TTLL5: variants seen among roughly 807,000 people sequenced by gnomAD.
TTLL5 encodes the protein tubulin polyglutamylase TTLL5.
Under a neutral mutation model 168.4 loss-of-function variants are expected in TTLL5, and 132 were observed. That is an observed-to-expected ratio of 0.78 (90% CI 0.68 to 0.91). The LOEUF (loss-of-function observed/expected upper bound fraction) is 0.91. TTLL5 is among the 40% of genes least tolerant of loss of function. TTLL5 has a pLI of 0.00. For synonymous variants in TTLL5, 546 were observed against 558.6 expected (o/e 0.98, Z 0.32); for missense variants, 1,545 against 1,581.5 (o/e 0.98, Z 0.39).
chr14:75,826,296 T>TAC (rs57519882), intron 28 of TTLL5, among the ~76,000 whole-genome samples: 31,650 of 139,288 alleles, frequency 0.23, 3,549 homozygotes, highest in Non-Finnish European at 0.27. Context: ...AGGATACGCG[T>TAC]ACACACACAC....
intron 31 of TTLL5, chr14:75,941,540 T>C (rs1409037878): frequency 6.6e-6 from 1 of 152,252 alleles, no homozygotes; most frequent in East Asian, 1.9e-4. Context: ...AAGTTTTTAA[T>C]TTTATTTTTC....
chr14:75,822,155 G>A (rs1894869143), intron 28 of TTLL5, among the ~76,000 whole-genome samples: 3 of 152,220 alleles, frequency 2.0e-5, no homozygotes, highest in South Asian at 4.1e-4. Context: ...ACAGCCCAAT[G>A]TCCTGGTTTC....
intron 17 of TTLL5, among the ~76,000 whole-genome samples, chr14:75,751,903 G>A (rs1000287335): frequency 3.3e-5 from 5 of 152,160 alleles, no homozygotes; most frequent in African/African-American, 9.7e-5. Flanking sequence ...CCCGAGGGCC[G>A]CTGGTTGCCC....
chr14:75,932,155 G>A (rs920234526), intron 31 of TTLL5, among the ~76,000 whole-genome samples: 1 of 152,282 alleles, frequency 6.6e-6, no homozygotes, highest in African/African-American at 2.4e-5. Flanking sequence ...AACTACTTCT[G>A]TACTTCTTGT....
chr14:75,772,990 A>T (rs1891438659), intron 21 of TTLL5, among the ~76,000 whole-genome samples: 1 of 152,038 alleles, frequency 6.6e-6, no homozygotes, highest in Non-Finnish European at 1.5e-5. Flanking sequence ...AATAACAGGG[A>T]TTTGTCACCA....
chr14:75,846,580 C>G (rs964176406), intron 28 of TTLL5, among the ~76,000 whole-genome samples: 1 of 152,010 alleles, frequency 6.6e-6, no homozygotes, highest in African/African-American at 2.4e-5. Context: ...CACCTGAGAT[C>G]GGGAGTTCGA....
At chr14:75,731,575 T>C (rs1022875704) in intron 12 of TTLL5, among the ~76,000 whole-genome samples, 1 of 152,122 alleles carries the variant, frequency 6.6e-6, no homozygotes, top group African/African-American at 2.4e-5. Context: ...TTTGCAACAG[T>C]TGGGAAGGTA....
intron 20 of TTLL5, among the ~76,000 whole-genome samples, chr14:75,769,255 C>T (rs1367692910): frequency 1.3e-5 from 2 of 152,116 alleles, no homozygotes; most frequent in African/African-American, 2.4e-5. Flanking sequence ...GCTCATTGTT[C>T]GGTGAAGTGT....
chr14:75,765,439 T>G (rs554245284), intron 19 of TTLL5, among the ~76,000 whole-genome samples: 1 of 152,340 alleles, frequency 6.6e-6, no homozygotes, highest in South Asian at 2.1e-4. Context: ...TCTAATACAC[T>G]GTAGAAATTA....
chr14:75,799,762 A>T (rs1372441480), intron 27 of TTLL5, among the ~76,000 whole-genome samples: 1 of 152,120 alleles, frequency 6.6e-6, no homozygotes, highest in Non-Finnish European at 1.5e-5. Flanking sequence ...TTGGCTGATA[A>T]TTGTTTTGTT....
At chr14:75,811,621 C>G in intron 27 of TTLL5, among the ~76,000 whole-genome samples, 1 of 152,152 alleles carries the variant, frequency 6.6e-6, no homozygotes, top group African/African-American at 2.4e-5. Flanking sequence ...ACGTTTTTAT[C>G]TGCACATGCG....
intron 14 of TTLL5, among the ~76,000 whole-genome samples, chr14:75,734,488 A>G (rs1295180191): frequency 6.6e-6 from 1 of 152,108 alleles, no homozygotes; most frequent in African/African-American, 2.4e-5. Flanking sequence ...ATAAGCCAAA[A>G]CTTTGAAGTG....
intron 28 of TTLL5, among the ~76,000 whole-genome samples, chr14:75,857,720 C>G (rs1031904184): frequency 2.6e-5 from 4 of 151,330 alleles, no homozygotes; most frequent in African/African-American, 9.7e-5. Context: ...GGCACAATCT[C>G]CGCTCACTGC....
intron 28 of TTLL5, among the ~76,000 whole-genome samples, chr14:75,856,463 A>G (rs1897129545): frequency 1.3e-5 from 2 of 152,170 alleles, no homozygotes; most frequent in Non-Finnish European, 2.9e-5. Flanking sequence ...AACAATATTG[A>G]GTCTCCCAGT....
chr14:75,938,699 G>A (rs769533579), intron 31 of TTLL5, among the ~76,000 whole-genome samples: 7 of 152,132 alleles, frequency 4.6e-5, no homozygotes, highest in Non-Finnish European at 7.4e-5. Flanking sequence ...GTTACTGCTC[G>A]TAAATCTCAG....
At chr14:75,800,414 A>G (rs1270028816) in intron 27 of TTLL5, among the ~76,000 whole-genome samples, 1 of 151,922 alleles carries the variant, frequency 6.6e-6, no homozygotes, top group Non-Finnish European at 1.5e-5. Context: ...ATTGGTTTCC[A>G]CCTTTCCCTG....
At chr14:75,756,076 A>G (rs1890243382) in intron 18 of TTLL5, among the ~76,000 whole-genome samples, 1 of 146,540 alleles carries the variant, frequency 6.8e-6, no homozygotes, top group Non-Finnish European at 1.5e-5. Context: ...AAATTACTGG[A>G]GAAAACCATT....
chr14:75,850,406 C>CAA (rs35336374), intron 28 of TTLL5, among the ~76,000 whole-genome samples: 3,131 of 89,744 alleles, frequency 0.035, 181 homozygotes, highest in African/African-American at 0.11. Context: ...AACTCCGTCT[C>CAA]AAAAAAAAAA....
At position 75,726,703 on chromosome 14, in the gene TTLL5, G is replaced by A. The variant is rs534544098; in HGVS notation, c.1043-5635G>A. 4.1e-4 allele frequency among the ~76,000 whole-genome samples: 63 copies of A among 152,256 alleles called. 1 individual carries two copies. In the South Asian group the frequency reaches 4.1e-3, roughly 10 times the overall value. On this transcript the variant is annotated intron_variant, in intron 12 of 31. Transcript: ENST00000298832. ...GTGATATTTTTTGAAATGGTAAGAA[G>A]TATGACTAAATATAGCGTGCATAGA...
Sources: gnomAD v4.1 joint callset for allele counts (sites outside exome capture counted in the v4.1 genomes callset) on GRCh38, gnomAD v4.1.1 for gene constraint, MANE v1.5 for transcripts, NCBI Gene and HGNC (gene_info 2026-07-23, HGNC 2026-07-21) for gene names.